The following CFAP418 variants were observed in gnomAD, a reference collection of about 807,000 sequenced individuals.
CFAP418 encodes cilia and flagella associated protein 418.
CFAP418 carries 27 observed loss-of-function variants against 24.7 expected under a neutral mutation model. The observed-to-expected ratio is 1.09, with a 90% CI of 0.81 to 1.51. The LOEUF is 1.51. Ranked by LOEUF, CFAP418 falls within the 40% of genes most tolerant of loss-of-function variation. The pLI is 0.00. For missense variants in CFAP418, 257 were observed against 255.2 expected (o/e 1.01, Z -0.05); for synonymous variants, 74 against 87.3 (o/e 0.85, Z 0.85).
chr8:95,246,077 C>T lies in CFAP418; in HGVS notation c.*1540G>A, dbSNP rs1452090185. The T allele has an allele frequency of 6.6e-6, 1 of 152,170 alleles. No homozygotes were observed. Among genetic ancestry groups the T allele is most frequent in the African/African-American group, 2.4e-5 (1 of 41,416 alleles). The allele number at this position is 152,170 out of a possible 1,614,324, so 9.4% of individuals were successfully genotyped here. On this transcript the variant is annotated 3_prime_UTR_variant, in exon 6 of 6. Coordinates refer to ENST00000286688, the MANE Select transcript of CFAP418 (RefSeq NM_177965.4). ...GACCTTGGCTCACTACAACCTCTGC[C>T]TCCCAGGTTCAATAAATTTTCCTGC...
intron 5 of CFAP418, among the ~76,000 whole-genome samples, chr8:95,249,488 C>A (rs934113624): frequency 6.6e-6 from 1 of 152,022 alleles, no homozygotes; most frequent in African/African-American, 2.4e-5. Context: ...CATGGTGAGA[C>A]CCCATCTCTA....
Position 95,269,057 on chromosome 8 carries a change from C to T in CFAP418, c.133G>A (p.Ala45Thr), listed in dbSNP as rs763542779. Residue 45 changes from alanine (A) to threonine (T), a missense_variant, in exon 1 of 6, where the codon GCC becomes ACC. Transcript: ENST00000286688. ...GGTHSSDRNQ[A>T]KAKETLRSTE... Reference sequence around the variant, plus strand: ...AACCTGAGCGTCTCTTTCGCCTTGGCTTGGTTCCGGTCGCTACTGTGGGTG... The same window carrying T: ...AACCTGAGCGTCTCTTTCGCCTTGGTTTGGTTCCGGTCGCTACTGTGGGTG... 25 of 1,614,004 alleles carry T rather than the reference C, an allele frequency of 1.5e-5. No individual in the cohort carries two copies. The African/African-American group carries it at 3.2e-4, about 21-fold the overall frequency.
At chr8:95,263,576 T>G in intron 2 of CFAP418, 111 bp downstream of exon 2, 1 of 601,880 alleles carries the variant, frequency 1.7e-6, no homozygotes. Flanking sequence ...GTAATTGTAT[T>G]TCTCAGAATT....
intron 5 of CFAP418, among the ~76,000 whole-genome samples, chr8:95,248,572 A>G (rs1191817308): frequency 1.3e-5 from 2 of 152,226 alleles, no homozygotes; most frequent in East Asian, 3.8e-4. Flanking sequence ...ATAAATATTA[A>G]TAATGTTGAA....
chr8:95,248,311 TA>T (rs2132152147), intron 5 of CFAP418, among the ~76,000 whole-genome samples: 1 of 152,292 alleles, frequency 6.6e-6, no homozygotes, highest in Non-Finnish European at 1.5e-5. Flanking sequence ...CACAATAACC[TA>T]AAGGCTGAAG....
rs1223883373 is a variant in CFAP418 at position 95,244,973 on chromosome 8, A to G, written c.*2644T>C. On this transcript the variant is annotated 3_prime_UTR_variant, in exon 6 of 6. Coordinates refer to ENST00000286688, the MANE Select transcript of CFAP418 (RefSeq NM_177965.4). ...TAAAAGAAGTAAATAATACAGAGTA[A>G]TTATTTATTACTTATTCATTTCTAG... is the stretch of plus-strand genomic sequence containing the variant. The G allele has an allele frequency of 6.6e-6, 1 of 152,192 alleles. No homozygotes were observed. Among genetic ancestry groups the G allele is most frequent in the Admixed American group, 6.5e-5 (1 of 15,272 alleles). The allele number at this position is 152,192 out of a possible 1,614,324, so 9.4% of individuals were successfully genotyped here.
rs1015775150 is a variant in CFAP418 at position 95,263,664 on chromosome 8, C to T, written c.243+23G>A. On this transcript the variant is annotated intron_variant, in intron 2 of 5. Transcript: ENST00000286688. ...TCTTGAAATAATGACAGAATTACTACATATTTATAACACTTGACTTACAGA... is the reference window on the plus strand; with the variant it reads ...TCTTGAAATAATGACAGAATTACTATATATTTATAACACTTGACTTACAGA... 15 of 1,417,898 alleles carry T rather than the reference C, an allele frequency of 1.1e-5. No individual in the cohort carries two copies. The African/African-American group carries it at 1.4e-4, about 13-fold the overall frequency. 87.8% of individuals were successfully genotyped at this position (1,417,898 alleles called of 1,614,324 possible).
intron 4 of CFAP418, among the ~76,000 whole-genome samples, chr8:95,253,209 C>G (rs1587350968): frequency 6.6e-6 from 1 of 151,978 alleles, no homozygotes; most frequent in Non-Finnish European, 1.5e-5. Context: ...ACTCAGGAGG[C>G]TGAGGCAGGA....
chr8:95,250,946 G>C (rs1435828683), intron 5 of CFAP418, among the ~76,000 whole-genome samples: 31 of 152,162 alleles, frequency 2.0e-4, no homozygotes, highest in Non-Finnish European at 8.8e-5. Context: ...GTAGGGGAAA[G>C]TCTCTTACCC....
chr8:95,265,147 C>T (rs902247039), intron 1 of CFAP418, among the ~76,000 whole-genome samples: 1 of 151,980 alleles, frequency 6.6e-6, no homozygotes, highest in Non-Finnish European at 1.5e-5. Flanking sequence ...GGGCAGGAGA[C>T]TGTTGTATAT....
rs1444303318 is a variant in CFAP418 at position 95,253,105 on chromosome 8, C to T, written c.375-822G>A. Among the ~76,000 whole-genome samples, 10 of 152,038 alleles carry T rather than the reference C, an allele frequency of 6.6e-5. No individual in the cohort carries two copies. In the South Asian group the frequency reaches 1.9e-3, roughly 28 times the overall value. Reference sequence around the variant, plus strand: ...CGGGCGGATCACGAGGTCAGGAGATCGAGACCATCCTGGCTAACACAGTGA... The same window carrying T: ...CGGGCGGATCACGAGGTCAGGAGATTGAGACCATCCTGGCTAACACAGTGA... On this transcript the variant is annotated intron_variant, in intron 4 of 5. Coordinates refer to ENST00000286688, the MANE Select transcript of CFAP418 (RefSeq NM_177965.4).
chr8:95,247,640 G>A lies in CFAP418; in HGVS notation c.601C>T (p.Arg201Cys), dbSNP rs750509315. The change falls in exon 6 of 6, where the codon CGC becomes TGC. Residue 201 changes from arginine to cysteine, a missense_variant. Physicochemically the swap from Arg to Cys is radical, Grantham distance 180 (BLOSUM62 -3). Transcript: ENST00000286688. ...VTDLQTDHQL[R>C]WVCGKH ...TCTTAATGTTTACCACAAACCCAGC[G>A]AAGCTGATGATCTGTCTGAAGGTCA... 1.2e-5 allele frequency: 20 copies of A among 1,614,030 alleles called. No homozygotes were observed. The highest frequency in any genetic ancestry group is 1.1e-4 in the South Asian group (10 of 91,092).
intron 4 of CFAP418, among the ~76,000 whole-genome samples, chr8:95,256,887 A>C (rs1043595771): frequency 1.2e-4 from 19 of 152,224 alleles, no homozygotes; most frequent in African/African-American, 4.6e-4. Context: ...TCCCAGTGGC[A>C]GTGGAATATC....
At chr8:95,265,910 G>GT (rs1164218097) in intron 1 of CFAP418, among the ~76,000 whole-genome samples, 2 of 152,120 alleles carry the variant, frequency 1.3e-5, no homozygotes, top group Admixed American at 1.3e-4. Flanking sequence ...GCTTTTACTG[G>GT]TTCCCTTTCT....
chr8:95,266,374 G>C (rs1005374944), intron 1 of CFAP418, among the ~76,000 whole-genome samples: 5 of 151,646 alleles, frequency 3.3e-5, no homozygotes, highest in African/African-American at 1.2e-4. Context: ...TTATCATTTT[G>C]AACACTTCAA....
chr8:95,265,578 G>A (rs531137159), intron 1 of CFAP418, among the ~76,000 whole-genome samples: 52 of 152,190 alleles, frequency 3.4e-4, no homozygotes, highest in Non-Finnish European at 5.6e-4. Flanking sequence ...TTGCTAAGAT[G>A]TCCTCTTAAA....
At chr8:95,253,105 C>G (rs1444303318) in intron 4 of CFAP418, among the ~76,000 whole-genome samples, 1 of 151,922 alleles carries the variant, frequency 6.6e-6, no homozygotes, top group Non-Finnish European at 1.5e-5. Flanking sequence ...GTCAGGAGAT[C>G]GAGACCATCC....
chr8:95,247,846 A>C, intron 5 of CFAP418, 76 bp from the exon 6 acceptor site: 2 of 1,331,374 alleles, frequency 1.5e-6, no homozygotes, highest in Non-Finnish European at 1.0e-6. Context: ...AAAAAAGGTC[A>C]TTGCTTTCTT....
In CFAP418 at chr8:95,247,378, A is replaced by G. The variant is rs1272895548; in HGVS notation, c.*239T>C. 2 of 502,062 alleles carry G rather than the reference A, an allele frequency of 4.0e-6. No homozygotes were observed. The highest frequency in any genetic ancestry group is 3.9e-5 in the African/African-American group (2 of 50,644). The allele number at this position is 502,062 out of a possible 1,614,324, so 31.1% of individuals were successfully genotyped here. A position where few individuals can be genotyped will look rare whatever the true frequency, so the allele number is the denominator to read the frequency against. On this transcript the variant is annotated 3_prime_UTR_variant, in exon 6 of 6. Transcript: ENST00000286688. ...TATTAAACAGAAGACAGATTAGTAA[A>G]GAATGTAGATGCCTGTTACTAAGTG...
Sources: allele counts gnomAD v4.1 joint callset (sites outside exome capture counted in the v4.1 genomes callset), GRCh38; gene constraint gnomAD v4.1.1; transcripts MANE v1.5; gene names NCBI Gene and HGNC (gene_info 2026-07-23, HGNC 2026-07-21).